Variants in NOTCH3 observed in about 807,000 individuals in gnomAD.
NOTCH3 encodes notch receptor 3.
Under a neutral mutation model 213.3 loss-of-function variants are expected in NOTCH3, and 86 were observed. The ratio of observed to expected loss-of-function variants is 0.40; its 90% CI spans 0.34 to 0.48. The LOEUF is 0.48. NOTCH3 is among the 20% of genes least tolerant of loss of function. The pLI, the probability that NOTCH3 is intolerant of heterozygous loss-of-function variation, is 0.57. For synonymous variants in NOTCH3, 1,354 were observed against 1,355.9 expected (o/e 1.00, Z 0.03); for missense variants, 2,783 against 3,272.6 (o/e 0.85, Z 3.65).
intron 2 of NOTCH3, 58 bp downstream of exon 2, chr19:15,197,442 C>CCCCG: frequency 1.6e-6 from 1 of 620,832 alleles, no homozygotes; most frequent in Non-Finnish European, 3.1e-6. Context: ...AGACAAATCG[C>CCCCG]CCCTCCCCCC....
At chr19:15,170,239 GGGTGGGGTCAGAGGTCTGAGTCAGGTCAA>G in intron 27 of NOTCH3, 63 bp downstream of exon 27, 1 of 1,505,586 alleles carries the variant, frequency 6.6e-7, no homozygotes, top group South Asian at 1.1e-5. Flanking sequence ...GGAGGATTTG[GGGTGGGGTCAGAGGTCTGAGTCAGGTCAA>G]GGCGGGGTCC....
rs779708449 is a variant in NOTCH3 at position 15,165,403 on chromosome 19, G to T, written c.5780C>A (p.Ala1927Asp). 1.9e-6 allele frequency: 3 copies of T among 1,609,910 alleles called. No individual in the cohort carries two copies. Among genetic ancestry groups the T allele is most frequent in the Non-Finnish European group, 2.5e-6 (3 of 1,180,034 alleles). ...CACAGCATTGACATCAGCATGGCTG[G>T]CGATGAGCTCTTCCACCATGCCCTC... is the stretch of plus-strand genomic sequence containing the variant. ...AVEGMVEELI[A>D]SHADVNAVDE... The change falls in exon 31 of 33, where the codon GCC (alanine) becomes GAC (aspartate). Residue 1927 changes from alanine to aspartate, a missense_variant. Around this residue, in one of 6 missense-constraint regions of NOTCH3, gnomAD observed 636 missense variants for 801.8 expected, o/e 0.79. Coordinates refer to ENST00000263388, the MANE Select transcript of NOTCH3 (RefSeq NM_000435.3). The surrounding 1 kb of genome is among the most constrained non-coding windows in gnomAD (Gnocchi z 4.7).
At position 15,174,276 on chromosome 19, in the gene NOTCH3, G is replaced by A. The variant is rs763870059; in HGVS notation, c.4528C>T (p.Arg1510Cys). 1.9e-6 allele frequency: 3 copies of A among 1,563,816 alleles called. No homozygotes were observed. The highest frequency in any genetic ancestry group is 2.3e-5 in the South Asian group (2 of 86,392). ...AGCACTGTGAGCACCAGCACGCCGC[G>A]GGCCAGCAGGGCCGGCACCTCGCTG... Reference protein sequence around the residue: ...CASEVPALLARGVLVLTVLLP... With the variant: ...CASEVPALLACGVLVLTVLLP... The change falls in exon 25 of 33, where the codon CGC becomes TGC. Residue 1510 changes from arginine (R) to cysteine (C), a missense_variant. Arg to Cys is a radical substitution (Grantham distance 180). Around this residue, in one of 6 missense-constraint regions of NOTCH3, gnomAD observed 636 missense variants for 801.8 expected, o/e 0.79. Transcript: ENST00000263388.
In NOTCH3 at chr19:15,197,526, C is replaced by G. The variant is rs755917588; in HGVS notation, c.171G>C (p.Gln57His). Residue 57 changes from glutamine to histidine, a missense_variant, in exon 2 of 33, where the codon CAG (glutamine) becomes CAC (histidine). Physicochemically the swap from Gln to His is conservative, Grantham distance 24. Transcript: ENST00000263388. ...GGCAGGCAGCCTCCCGGGAGGGCAG[C>G]TGGGTGCAACGACCTCCATTTGCAC... ...SPCANGGRCTQLPSREAACLC... is the reference protein window; with the variant it reads ...SPCANGGRCTHLPSREAACLC... 8.7e-6 allele frequency: 14 copies of G among 1,610,004 alleles called. No individual in the cohort carries two copies. Among genetic ancestry groups the G allele is most frequent in the Non-Finnish European group, 1.2e-5 (14 of 1,179,414 alleles).
At chr19:15,175,128 G>C (rs891140240) in intron 24 of NOTCH3, among the ~76,000 whole-genome samples, 2 of 152,146 alleles carry the variant, frequency 1.3e-5, no homozygotes, top group Admixed American at 6.6e-5. Flanking sequence ...ACAAGGATAA[G>C]GCCCGGCCAC....
In NOTCH3 at chr19:15,170,827, TGCAGGGACA is replaced by T. The variant is rs1468324573; in HGVS notation, c.4737-11_4737-3del. The stretch of plus-strand genomic sequence containing the variant: ...TCAATCTCCAGCATTACTACCGAGC[TGCAGGGACA>T]GCAGGGAGGGACCAGAGGGCTCAAA... On this transcript the variant is annotated splice_polypyrimidine_tract_variant and splice_region_variant and intron_variant, in intron 25 of 32. Transcript: ENST00000263388. 1.2e-6 allele frequency: 2 copies of T among 1,613,236 alleles called. No individual in the cohort carries two copies. The highest frequency in any genetic ancestry group is 1.7e-6 in the Non-Finnish European group (2 of 1,179,940).
intron 6 of NOTCH3, among the ~76,000 whole-genome samples, chr19:15,191,111 G>C (rs2046923387): frequency 6.6e-6 from 1 of 151,240 alleles, no homozygotes; most frequent in Non-Finnish European, 1.5e-5. Flanking sequence ...TTGGCTCACT[G>C]CAATCTCCAC....
intron 1 of NOTCH3, among the ~76,000 whole-genome samples, chr19:15,200,029 G>A (rs578241845): frequency 0.01 from 1,423 of 135,792 alleles, 18 homozygotes; most frequent in African/African-American, 0.036. Flanking sequence ...CCGAGCGGGG[G>A]AGGGGAGGGA....
chr19:15,162,277 C>A (rs1027462850), intron 32 of NOTCH3, 188 bp downstream of exon 32: 1 of 604,006 alleles, frequency 1.7e-6, no homozygotes, highest in Non-Finnish European at 3.0e-6. Context: ...CCACCACACC[C>A]AGCCATTAGG....
intron 25 of NOTCH3, among the ~76,000 whole-genome samples, chr19:15,172,593 C>T (rs1042842416): frequency 7.2e-5 from 11 of 152,034 alleles, no homozygotes; most frequent in Non-Finnish European, 1.5e-4. Context: ...CTGCCTTCTC[C>T]TCAACAATAG....
intron 9 of NOTCH3, 21 bp downstream of exon 9, chr19:15,188,214 T>A: frequency 6.5e-7 from 1 of 1,544,574 alleles, no homozygotes; most frequent in Non-Finnish European, 8.8e-7. Context: ...CTTTTCGGGC[T>A]CCCTCTCCTG....
intron 28 of NOTCH3, among the ~76,000 whole-genome samples, chr19:15,168,332 T>A (rs1285741654): frequency 6.6e-6 from 1 of 152,176 alleles, no homozygotes. Context: ...CAGGTTTTTT[T>A]ATCTGTCCAC....
At chr19:15,200,751 C>T (rs1235646139) in intron 1 of NOTCH3, 37 bp downstream of exon 1, 3 of 1,251,134 alleles carry the variant, frequency 2.4e-6, no homozygotes, top group Non-Finnish European at 2.0e-6. Flanking sequence ...TCCCCCTCTG[C>T]CGCCCTCGTC....
chr19:15,184,409 C>T lies in NOTCH3; in HGVS notation c.2452G>A (p.Ala818Thr), dbSNP rs1568357671. The stretch of plus-strand genomic sequence containing the variant: ...CAGATACCATGAGGGCCACAGGGTG[C>T]GGGGCCAGCACACTCGTCCACATCC... ...QQDVDECAGP[A>T]PCGPHGICTN... Residue 818 changes from alanine to threonine, a missense_variant, in exon 16 of 33, where the codon GCA (alanine) becomes ACA (threonine). Physicochemically the swap from Ala to Thr is moderately conservative, Grantham distance 58. Coordinates refer to ENST00000263388, the MANE Select transcript of NOTCH3 (RefSeq NM_000435.3). 3.1e-6 allele frequency: 5 copies of T among 1,613,758 alleles called. No individual in the cohort carries two copies. The highest frequency in any genetic ancestry group is 4.5e-5 in the East Asian group (2 of 44,878).
intron 20 of NOTCH3, 50 bp from the exon 21 acceptor site, chr19:15,179,546 C>T: frequency 6.2e-7 from 1 of 1,603,948 alleles, no homozygotes; most frequent in Non-Finnish European, 8.5e-7. Flanking sequence ...GACACAGACC[C>T]ACCTGGACAT....
intron 25 of NOTCH3, among the ~76,000 whole-genome samples, chr19:15,171,698 G>A (rs1235674389): frequency 6.6e-6 from 1 of 152,112 alleles, no homozygotes; most frequent in East Asian, 1.9e-4. Context: ...TTGAGATGAA[G>A]TCTTGCTCTG....
chr19:15,187,931 C>G lies in NOTCH3; in HGVS notation c.1556G>C (p.Gly519Ala). Residue 519 changes from glycine to alanine, a missense_variant, in exon 10 of 33, where the codon GGC becomes GCC. Gly to Ala is a moderately conservative substitution (Grantham distance 60). Around this residue, in one of 6 missense-constraint regions of NOTCH3, gnomAD observed 708 missense variants for 906.6 expected, o/e 0.78. Transcript: ENST00000263388. ...ATCGGGCTGGTCCACGCATTTGGCG[C>G]CATTCCTGCAGGGCGTGCTGGCGCA... ...DECASTPCRN[G>A]AKCVDQPDGY... 6.5e-7 allele frequency: 1 copy of G among 1,550,296 alleles called. No homozygotes were observed. Among genetic ancestry groups the G allele is most frequent in the Non-Finnish European group, 8.7e-7 (1 of 1,146,984 alleles).
rs1599394134 is a variant in NOTCH3 at position 15,191,666 on chromosome 19, C to T, written c.803-9G>A. The T allele has an allele frequency of 6.2e-7, 1 of 1,613,552 alleles. No homozygotes were observed. Among genetic ancestry groups the T allele is most frequent in the Non-Finnish European group, 8.5e-7 (1 of 1,179,972 alleles). Reference sequence around the variant, plus strand: ...CTCCGTGCAGAACTGGCCTGTGGCACACAGATGCAGCAGTCCAGCCACCTG... The same window carrying T: ...CTCCGTGCAGAACTGGCCTGTGGCATACAGATGCAGCAGTCCAGCCACCTG... On this transcript the variant is annotated splice_polypyrimidine_tract_variant and intron_variant, in intron 5 of 32. Transcript: ENST00000263388.
intron 24 of NOTCH3, among the ~76,000 whole-genome samples, chr19:15,175,599 A>C (rs965821785): frequency 7.0e-6 from 1 of 143,200 alleles, no homozygotes; most frequent in African/African-American, 2.7e-5. Context: ...ATACACACAC[A>C]CACACACACA....
Sources: gnomAD v4.1 joint callset for allele counts (sites outside exome capture counted in the v4.1 genomes callset) on GRCh38, gnomAD v4.1.1 for gene constraint, gnomAD v4.1.1 regional missense constraint, Gnocchi (gnomAD v3.1) non-coding constraint, MANE v1.5 for transcripts, NCBI Gene and HGNC (gene_info 2026-07-23, HGNC 2026-07-21) for gene names.